The following FAAH2 variants were observed in gnomAD, a reference collection of about 807,000 sequenced individuals.
FAAH2 encodes the protein fatty acid amide hydrolase 2, also known as fatty-acid amide hydrolase 2.
A neutral mutation model predicts 36.9 loss-of-function variants in FAAH2; 60 were observed. That is an observed-to-expected ratio of 1.63 (90% CI 1.32 to 2.02). The LOEUF (loss-of-function observed/expected upper bound fraction) is 2.02, where lower values mean the gene tolerates loss of function less well. Ranked by LOEUF, FAAH2 falls within the 30% of genes most tolerant of loss-of-function variation. The probability of loss-of-function intolerance (pLI) is 0.00; values close to 1 mark genes in which losing one functional copy is unlikely to be tolerated. For synonymous variants in FAAH2, 214 were observed against 143.8 expected (o/e 1.49, Z -3.49); for missense variants, 689 against 397.5 (o/e 1.73, Z -6.23).
At chrX:57,298,884 C>T (rs1212982652) in intron 2 of FAAH2, among the ~76,000 whole-genome samples, 2 of 108,499 alleles carry the variant, frequency 1.8e-5, no homozygotes, top group Non-Finnish European at 3.8e-5. Context: ...GACACCTACA[C>T]TGTCCCAAGA....
At chrX:57,434,476 ATAG>A (rs1384117458) in intron 8 of FAAH2, among the ~76,000 whole-genome samples, 1 of 109,853 alleles carries the variant, frequency 9.1e-6, no homozygotes. Flanking sequence ...AAAAAATGTA[ATAG>A]TAACAGAAAT....
intron 10 of FAAH2, among the ~76,000 whole-genome samples, chrX:57,460,371 T>C: frequency 9.0e-6 from 1 of 110,967 alleles, no homozygotes; most frequent in East Asian, 2.9e-4. Flanking sequence ...TTCTCCAAAG[T>C]TGAAAGGCTG....
chrX:57,125,209 C>T, the FAAH2 span, among the ~76,000 whole-genome samples: 2 of 112,882 alleles, frequency 1.8e-5, no homozygotes, highest in Non-Finnish European at 3.7e-5. Flanking sequence ...GAGTTTTTAG[C>T]ACGAAGTGCT....
chrX:57,179,873 A>AT, the FAAH2 span, among the ~76,000 whole-genome samples: 1 of 112,036 alleles, frequency 8.9e-6, no homozygotes, highest in Admixed American at 9.5e-5. Flanking sequence ...TCAAATATAT[A>AT]AAAAAAAGCA....
intron 7 of FAAH2, chrX:57,392,650 G>A (rs879208468): frequency 3.4e-5 from 23 of 681,060 alleles, no homozygotes; most frequent in Non-Finnish European, 5.2e-5. Context: ...TGTTTAGAAT[G>A]ATCCATTCAC....
chrX:57,193,762 T>C, the FAAH2 span, among the ~76,000 whole-genome samples: 3 of 112,101 alleles, frequency 2.7e-5, no homozygotes, highest in Admixed American at 2.8e-4. Context: ...ATCAAATATC[T>C]TTTCAGCATC....
the FAAH2 span, among the ~76,000 whole-genome samples, chrX:57,163,985 T>C: frequency 8.9e-6 from 1 of 112,349 alleles, no homozygotes; most frequent in Non-Finnish European, 1.9e-5. Context: ...ATATTAGGTA[T>C]AATAACTATC....
At chrX:57,259,908 T>C in the FAAH2 span, among the ~76,000 whole-genome samples, 1 of 111,977 alleles carries the variant, frequency 8.9e-6, no homozygotes, top group Non-Finnish European at 1.9e-5. Flanking sequence ...TATTTGCTTG[T>C]GGTAAAAAAT....
the FAAH2 span, among the ~76,000 whole-genome samples, chrX:57,273,051 T>C: frequency 9.0e-6 from 1 of 111,489 alleles, no homozygotes; most frequent in East Asian, 2.8e-4. Flanking sequence ...AGGCTCAAAA[T>C]AAAGGGATGG....
At chrX:57,216,009 G>A in the FAAH2 span, among the ~76,000 whole-genome samples, 13 of 107,906 alleles carry the variant, frequency 1.2e-4, no homozygotes, top group Non-Finnish European at 2.1e-4. Flanking sequence ...TTATGTAGGG[G>A]AGAAGTGTGT....
chrX:57,414,618 C>T (rs1279977593), intron 7 of FAAH2, among the ~76,000 whole-genome samples: 5 of 111,024 alleles, frequency 4.5e-5, no homozygotes, highest in African/African-American at 1.6e-4. Flanking sequence ...TTCAGTTTGC[C>T]AGTATTTTAT....
At chrX:57,418,941 C>T (rs1275770865) in intron 7 of FAAH2, among the ~76,000 whole-genome samples, 4 of 95,304 alleles carry the variant, frequency 4.2e-5, no homozygotes, top group East Asian at 7.6e-4. Context: ...TTGTTCAATT[C>T]CCACCTATGA....
chrX:57,155,358 G>A, the FAAH2 span, among the ~76,000 whole-genome samples: 2 of 111,545 alleles, frequency 1.8e-5, no homozygotes, highest in Non-Finnish European at 3.8e-5. Context: ...TGGCAGATGG[G>A]GGTGTGATTC....
the FAAH2 span, among the ~76,000 whole-genome samples, chrX:57,181,635 T>C: frequency 8.9e-6 from 1 of 111,761 alleles, no homozygotes; most frequent in East Asian, 2.8e-4. Context: ...AATTAATATG[T>C]TAAAAATGGC....
chrX:57,408,939 G>A (rs1258881786), intron 7 of FAAH2, among the ~76,000 whole-genome samples: 4 of 110,862 alleles, frequency 3.6e-5, no homozygotes, highest in Non-Finnish European at 7.6e-5. Flanking sequence ...ATTGTTAGAC[G>A]ATTTTGTTAT....
intron 10 of FAAH2, among the ~76,000 whole-genome samples, chrX:57,468,708 G>C: frequency 9.0e-6 from 1 of 111,506 alleles, no homozygotes; most frequent in Non-Finnish European, 1.9e-5. Context: ...CCCCAATCTA[G>C]CAAGGTAGGC....
chrX:57,440,456 C>G (rs185532593), intron 8 of FAAH2, among the ~76,000 whole-genome samples: 8 of 111,466 alleles, frequency 7.2e-5, no homozygotes, highest in Non-Finnish European at 1.5e-4. Context: ...GATTTTGTAT[C>G]CTGAGACTTT....
chrX:57,146,567 G>A, the FAAH2 span, among the ~76,000 whole-genome samples: 12 of 111,753 alleles, frequency 1.1e-4, no homozygotes, highest in African/African-American at 3.2e-4. Context: ...TCTTTGTCTT[G>A]TCTGATTGCT....
chrX:57,186,368 C>A, the FAAH2 span, among the ~76,000 whole-genome samples: 1 of 112,040 alleles, frequency 8.9e-6, no homozygotes, highest in Non-Finnish European at 1.9e-5. Flanking sequence ...TAAATGTCTT[C>A]TTTTGAGAGG....
Sources: gnomAD v4.1 joint callset for allele counts (sites outside exome capture counted in the v4.1 genomes callset) on GRCh38, gnomAD v4.1.1 for gene constraint, MANE v1.5 for transcripts, NCBI Gene and HGNC (gene_info 2026-07-23, HGNC 2026-07-21) for gene names.